TASP1: variants seen among roughly 807,000 people sequenced by gnomAD.
TASP1 encodes the protein taspase 1.
In TASP1, 16 loss-of-function variants were observed where a neutral mutation model predicts 56.6. The ratio of observed to expected loss-of-function variants is 0.28; its 90% CI spans 0.19 to 0.43. The LOEUF (loss-of-function observed/expected upper bound fraction) is 0.43, where lower values mean the gene tolerates loss of function less well. Among genes scored for constraint, TASP1 ranks in the 20% least tolerant of loss-of-function variants. The pLI is 1.00. For missense variants in TASP1, 393 were observed against 511.6 expected, an observed-to-expected ratio of 0.77 and a Z score of 2.24; for synonymous variants, 179 against 184.2, an observed-to-expected ratio of 0.97 and a Z score of 0.23.
the TASP1 span, among the ~76,000 whole-genome samples, chr20:13,329,079 A>G: frequency 6.6e-6 from 1 of 152,210 alleles, no homozygotes; most frequent in African/African-American, 2.4e-5. Context: ...AGCCTTTGGC[A>G]TAAGGATCCT....
the TASP1 span, among the ~76,000 whole-genome samples, chr20:13,310,894 T>C: frequency 6.6e-6 from 1 of 152,156 alleles, no homozygotes; most frequent in African/African-American, 2.4e-5. Flanking sequence ...GGAAGATGTT[T>C]ATCAAAAAAT....
the TASP1 span, among the ~76,000 whole-genome samples, chr20:13,247,561 G>A: frequency 7.5e-6 from 1 of 133,372 alleles, no homozygotes; most frequent in South Asian, 2.3e-4. Context: ...TGTGTGTGTA[G>A]GTAGGTAGGA....
chr20:13,629,782 C>A, intron 2 of TASP1, 152 bp downstream of exon 2: 1 of 1,146,608 alleles, frequency 8.7e-7, no homozygotes, highest in Non-Finnish European at 1.3e-6. Context: ...GGGAGGTCCT[C>A]ACTATATCCA....
the TASP1 span, among the ~76,000 whole-genome samples, chr20:13,242,672 T>C: frequency 5.3e-5 from 8 of 152,166 alleles, no homozygotes; most frequent in Non-Finnish European, 1.2e-4. Flanking sequence ...TCTTTGCTCA[T>C]TGGCATGATG....
At chr20:13,265,091 A>T in the TASP1 span, among the ~76,000 whole-genome samples, 1 of 152,186 alleles carries the variant, frequency 6.6e-6, no homozygotes, top group Non-Finnish European at 1.5e-5. Flanking sequence ...ATATGAAAAC[A>T]GCAGGTGTCT....
At chr20:13,232,127 A>T in the TASP1 span, among the ~76,000 whole-genome samples, 1 of 152,218 alleles carries the variant, frequency 6.6e-6, no homozygotes, top group Non-Finnish European at 1.5e-5. Context: ...CAGGAGGAGA[A>T]GAGTGGCAGT....
rs59005388 is a variant in TASP1, at chr20:13,538,555, T to C, written c.676-4414A>G. 3.3e-3 allele frequency among the ~76,000 whole-genome samples: 508 copies of C among 152,254 alleles called. 2 individuals carry two copies. Among genetic ancestry groups the C allele is most frequent in the African/African-American group, 0.011 (473 of 41,540 alleles). On this transcript the variant is annotated intron_variant, in intron 8 of 13. Transcript: ENST00000337743. Reference sequence around the variant, plus strand: ...CTGGCATGAGCTTCCACTTGAGAAATGCAGATGACTTATACCCTAACATGA... The same window carrying C: ...CTGGCATGAGCTTCCACTTGAGAAACGCAGATGACTTATACCCTAACATGA...
chr20:13,110,215 C>T, the TASP1 span: 16 of 1,612,972 alleles, frequency 9.9e-6, no homozygotes, highest in East Asian at 3.6e-4. Flanking sequence ...AGGGTGTCTA[C>T]AGGTATGTAA....
At chr20:13,603,161 G>T (rs2048025664) in intron 4 of TASP1, among the ~76,000 whole-genome samples, 1 of 152,008 alleles carries the variant, frequency 6.6e-6, no homozygotes, top group Non-Finnish European at 1.5e-5. Context: ...AACCCGGAGG[G>T]TGGAGGCTGC....
At chr20:13,519,296 AC>A (rs1365317712) in intron 10 of TASP1, among the ~76,000 whole-genome samples, 9 of 152,168 alleles carry the variant, frequency 5.9e-5, no homozygotes, top group Non-Finnish European at 1.3e-4. Context: ...TATTCATGTA[AC>A]AAACCTGCAA....
intron 4 of TASP1, among the ~76,000 whole-genome samples, chr20:13,616,584 G>A (rs957496110): frequency 6.6e-6 from 1 of 151,820 alleles, no homozygotes; most frequent in African/African-American, 2.4e-5. Flanking sequence ...CACCGGGTTT[G>A]CTACCATGTA....
At chr20:13,295,168 GC>G in the TASP1 span, among the ~76,000 whole-genome samples, 1 of 152,082 alleles carries the variant, frequency 6.6e-6, no homozygotes, top group African/African-American at 2.4e-5. Flanking sequence ...AAGTCCACCA[GC>G]CACCAAGGCC....
At chr20:13,524,349 GA>G (rs1049093006) in intron 10 of TASP1, among the ~76,000 whole-genome samples, 8 of 152,072 alleles carry the variant, frequency 5.3e-5, no homozygotes, top group Non-Finnish European at 1.5e-5. Context: ...CTGTGTTACT[GA>G]AAAATTATGT....
intron 13 of TASP1, among the ~76,000 whole-genome samples, chr20:13,403,469 C>G (rs1315882054): frequency 6.6e-6 from 1 of 152,174 alleles, no homozygotes; most frequent in African/African-American, 2.4e-5. Flanking sequence ...GCCACCACCA[C>G]CCATCATAAC....
At chr20:13,549,472 T>C (rs2045910301) in intron 8 of TASP1, among the ~76,000 whole-genome samples, 1 of 152,062 alleles carries the variant, frequency 6.6e-6, no homozygotes, top group Non-Finnish European at 1.5e-5. Context: ...ATTTGGTTTT[T>C]TTAATGCACT....
the TASP1 span, among the ~76,000 whole-genome samples, chr20:13,195,890 T>G: frequency 6.6e-6 from 1 of 152,228 alleles, no homozygotes; most frequent in Non-Finnish European, 1.5e-5. Context: ...TAATTTATCA[T>G]GCTGCCGGGC....
At chr20:13,616,846 G>C in intron 4 of TASP1, 1 of 303,904 alleles carries the variant, frequency 3.3e-6, no homozygotes, top group Non-Finnish European at 6.5e-6. Flanking sequence ...TTTAAAAAGA[G>C]TGTAACTTAC....
At chr20:13,364,085 T>A in the TASP1 span, among the ~76,000 whole-genome samples, 4 of 148,680 alleles carry the variant, frequency 2.7e-5, no homozygotes, top group East Asian at 3.9e-4. Flanking sequence ...AAGAGGGATT[T>A]AAAAAAAAAA....
chr20:13,425,096 C>T (rs1273690881), intron 12 of TASP1, among the ~76,000 whole-genome samples: 1 of 152,092 alleles, frequency 6.6e-6, no homozygotes, highest in Non-Finnish European at 1.5e-5. Flanking sequence ...CTAGGCTTTC[C>T]AGAAAGTTGT....
Sources: gnomAD v4.1 joint callset for allele counts (sites outside exome capture counted in the v4.1 genomes callset) on GRCh38, gnomAD v4.1.1 for gene constraint, MANE v1.5 for transcripts, NCBI Gene and HGNC (gene_info 2026-07-23, HGNC 2026-07-21) for gene names.